The following SOX6 variants were observed in gnomAD, a reference collection of about 807,000 sequenced individuals.
SOX6 encodes the protein SRY-box transcription factor 6.
SOX6 carries 11 observed loss-of-function variants against 97.8 expected under a neutral mutation model. The observed-to-expected ratio is 0.11, with a 90% CI of 0.07 to 0.19. The LOEUF is 0.19. Ranked by LOEUF, SOX6 falls within the 10% of genes least tolerant of loss-of-function variation. SOX6 has a pLI of 1.00. For synonymous variants in SOX6, 360 were observed against 371.4 expected, an observed-to-expected ratio of 0.97 and a Z score of 0.35; for missense variants, 810 against 1,039.5, an observed-to-expected ratio of 0.78 and a Z score of 3.04.
chr11:16,023,634 T>A (rs1855133279), intron 12 of SOX6, among the ~76,000 whole-genome samples: 1 of 152,114 alleles, frequency 6.6e-6, no homozygotes, highest in East Asian at 1.9e-4. Context: ...TTCCCTAAAA[T>A]CTGAACCATC....
chr11:16,243,793 T>G (rs1454241819), intron 3 of SOX6, among the ~76,000 whole-genome samples: 1 of 151,974 alleles, frequency 6.6e-6, no homozygotes, highest in Non-Finnish European at 1.5e-5. Flanking sequence ...GGATATGGAT[T>G]CATTCACTCA....
intron 1 of SOX6, among the ~76,000 whole-genome samples, chr11:16,407,289 C>T (rs1858707135): frequency 6.6e-6 from 1 of 152,054 alleles, no homozygotes; most frequent in Non-Finnish European, 1.5e-5. Flanking sequence ...TTTTGAAGTC[C>T]AAGCCCTATC....
intron 4 of SOX6, among the ~76,000 whole-genome samples, chr11:16,500,306 T>C (rs1860682378): frequency 6.6e-6 from 1 of 152,292 alleles, no homozygotes; most frequent in East Asian, 1.9e-4. Context: ...TCATGGGACA[T>C]ATCTCAAAAT....
At chr11:16,464,466 G>A (rs541713190) in intron 1 of SOX6, among the ~76,000 whole-genome samples, 28 of 151,436 alleles carry the variant, frequency 1.8e-4, no homozygotes, top group South Asian at 4.2e-4. Context: ...AAAAAAAAAG[G>A]AAGGACAGAA....
intron 2 of SOX6, among the ~76,000 whole-genome samples, chr11:16,729,638 A>C (rs570722320): frequency 6.6e-6 from 1 of 152,328 alleles, no homozygotes; most frequent in Non-Finnish European, 1.5e-5. Flanking sequence ...CCAAATTGTA[A>C]AGACCATCGA....
At chr11:16,504,246 A>T (rs1590226297) in intron 4 of SOX6, among the ~76,000 whole-genome samples, 1 of 152,058 alleles carries the variant, frequency 6.6e-6, no homozygotes, top group African/African-American at 2.4e-5. Context: ...CCTAGCCAGA[A>T]CAATTAGGCA....
intron 4 of SOX6, among the ~76,000 whole-genome samples, chr11:16,230,486 AATATCTCATTCACAAGAGTAAGCAAAAAT>A (rs1852814780): frequency 6.6e-6 from 1 of 151,760 alleles, no homozygotes; most frequent in Non-Finnish European, 1.5e-5. Flanking sequence ...TAGAATGAAA[AATATCTCATTCACAAGAGTAAGCAAAAAT>A]ATTAAATACT....
At chr11:16,620,657 C>T (rs1220368434) in intron 3 of SOX6, among the ~76,000 whole-genome samples, 5 of 152,140 alleles carry the variant, frequency 3.3e-5, no homozygotes, top group African/African-American at 1.2e-4. Flanking sequence ...TATATGTCTA[C>T]ATGAGATAGG....
chr11:16,165,366 C>G (rs1850860212), intron 6 of SOX6, among the ~76,000 whole-genome samples: 1 of 152,082 alleles, frequency 6.6e-6, no homozygotes. Flanking sequence ...GTACCTTTAG[C>G]TAAGAACTAA....
In SOX6 at chr11:16,122,358, A is replaced by ATAT. The variant is rs1249905927; in HGVS notation, c.778-10438_778-10436dup. On this transcript the variant is annotated intron_variant, in intron 6 of 15. Coordinates refer to ENST00000683767, the MANE Select transcript of SOX6 (RefSeq NM_001367873.1). ...TCTTATTTCCAGAGAAGTATGAAAC[A>ATAT]TATTAGAGACTAATGATTGTCATTC... Among the ~76,000 whole-genome samples, 58 of 152,158 alleles carry ATAT rather than the reference A, an allele frequency of 3.8e-4. 1 individual carries two copies. The highest frequency in any genetic ancestry group is 1.5e-4 in the Non-Finnish European group (10 of 67,912).
At chr11:16,612,432 C>G (rs188688806) in intron 3 of SOX6, among the ~76,000 whole-genome samples, 1 of 152,170 alleles carries the variant, frequency 6.6e-6, no homozygotes, top group Admixed American at 6.5e-5. Flanking sequence ...GGCCAAAGAC[C>G]AGAGAAGTCG....
At chr11:16,538,824 G>A (rs1861354667) in intron 4 of SOX6, among the ~76,000 whole-genome samples, 1 of 152,128 alleles carries the variant, frequency 6.6e-6, no homozygotes, top group Non-Finnish European at 1.5e-5. Context: ...GATTCATAAA[G>A]CAAGACCTTA....
chr11:16,028,408 A>G (rs947137069), intron 12 of SOX6, among the ~76,000 whole-genome samples: 1 of 152,128 alleles, frequency 6.6e-6, no homozygotes, highest in African/African-American at 2.4e-5. Context: ...CCTTTTTTCT[A>G]TGAATATGGA....
In SOX6 at chr11:15,968,727, C is replaced by T. The variant is rs773023041; in HGVS notation, c.*4082G>A. On this transcript the variant is annotated 3_prime_UTR_variant, in exon 16 of 16. Coordinates refer to ENST00000683767, the MANE Select transcript of SOX6 (RefSeq NM_001367873.1). Reference sequence around the variant, plus strand: ...CTAATGTTCAGGGGAGGCCAGAATTCGACAAGCTCAATAGCACTGTGAGCC... The same window carrying T: ...CTAATGTTCAGGGGAGGCCAGAATTTGACAAGCTCAATAGCACTGTGAGCC... 24 of 152,328 alleles carry T rather than the reference C, an allele frequency of 1.6e-4. No individual in the cohort carries two copies. Among genetic ancestry groups the T allele is most frequent in the African/African-American group, 3.6e-4 (15 of 41,566 alleles). 9.4% of individuals were successfully genotyped at this position (152,328 alleles called of 1,614,324 possible). A position where few individuals can be genotyped will look rare whatever the true frequency, so the allele number is the denominator to read the frequency against.
intron 4 of SOX6, among the ~76,000 whole-genome samples, chr11:16,538,891 C>G (rs1459403998): frequency 6.6e-6 from 1 of 152,080 alleles, no homozygotes; most frequent in African/African-American, 2.4e-5. Context: ...CTTTAACACC[C>G]CACTGTCAAT....
chr11:16,285,354 G>A (rs1854701598), intron 3 of SOX6, among the ~76,000 whole-genome samples: 1 of 152,052 alleles, frequency 6.6e-6, no homozygotes, highest in African/African-American at 2.4e-5. Context: ...TCAACATGAA[G>A]AAACCCTGTC....
intron 12 of SOX6, among the ~76,000 whole-genome samples, chr11:16,031,817 A>C (rs1391930435): frequency 6.6e-6 from 1 of 152,026 alleles, no homozygotes; most frequent in East Asian, 1.9e-4. Flanking sequence ...GGAGGGAGAA[A>C]GGAAAGGAGA....
At chr11:16,114,550 C>T (rs1033311636) in intron 6 of SOX6, among the ~76,000 whole-genome samples, 1 of 152,078 alleles carries the variant, frequency 6.6e-6, no homozygotes, top group Non-Finnish European at 1.5e-5. Context: ...TATCAAATTA[C>T]TGATAAAACA....
intron 4 of SOX6, among the ~76,000 whole-genome samples, chr11:16,521,102 C>T (rs1861050815): frequency 6.6e-6 from 1 of 152,194 alleles, no homozygotes; most frequent in African/African-American, 2.4e-5. Context: ...TTAAATGTCC[C>T]TGTCTGACAG....
Sources: allele counts gnomAD v4.1 joint callset (sites outside exome capture counted in the v4.1 genomes callset), GRCh38; gene constraint gnomAD v4.1.1; transcripts MANE v1.5; gene names NCBI Gene and HGNC (gene_info 2026-07-23, HGNC 2026-07-21).